ZNF736: variants seen among roughly 807,000 people sequenced by gnomAD.
ZNF736 encodes the protein KRAB-containing zinc-finger repressor protein.
Under a neutral mutation model 11.7 loss-of-function variants are expected in ZNF736, and 6 were observed. The ratio of observed to expected loss-of-function variants is 0.51; its 90% CI spans 0.28 to 1.01. The LOEUF (loss-of-function observed/expected upper bound fraction) is 1.01. ZNF736 is among the 50% of genes least tolerant of loss of function. ZNF736 has a pLI of 0.09. For missense variants in ZNF736, 444 were observed against 496.0 expected, an observed-to-expected ratio of 0.90 and a Z score of 1.00; for synonymous variants, 139 against 164.7, an observed-to-expected ratio of 0.84 and a Z score of 1.19.
chr7:64,322,463 A>G (rs969272527), intron 1 of ZNF736, among the ~76,000 whole-genome samples: 7 of 152,178 alleles, frequency 4.6e-5, no homozygotes, highest in African/African-American at 1.7e-4. Context: ...TGATAATGCT[A>G]TGTACAATAT....
chr7:64,343,897 T>G (rs1789372383), intron 3 of ZNF736, among the ~76,000 whole-genome samples: 1 of 152,214 alleles, frequency 6.6e-6, no homozygotes, highest in East Asian at 1.9e-4. Flanking sequence ...ATATAATTAT[T>G]TCTGTGTTTG....
intron 1 of ZNF736, among the ~76,000 whole-genome samples, chr7:64,315,085 A>C (rs909091539): frequency 3.3e-5 from 5 of 151,972 alleles, no homozygotes; most frequent in African/African-American, 4.8e-5. Flanking sequence ...ACAGCACCCC[A>C]CCTTGCCTCT....
intron 3 of ZNF736, among the ~76,000 whole-genome samples, chr7:64,337,733 T>A (rs1789273966): frequency 8.0e-6 from 1 of 125,650 alleles, no homozygotes; most frequent in Non-Finnish European, 1.6e-5. Flanking sequence ...TTTTTTTTGT[T>A]TTGTTTTGTT....
chr7:64,335,398 C>G (rs1789233253), intron 1 of ZNF736, among the ~76,000 whole-genome samples: 1 of 152,116 alleles, frequency 6.6e-6, no homozygotes, highest in Admixed American at 6.6e-5. Context: ...TGACTAGACT[C>G]AGATTGTTGA....
chr7:64,329,687 A>C (rs1789133443), intron 1 of ZNF736, among the ~76,000 whole-genome samples: 1 of 152,160 alleles, frequency 6.6e-6, no homozygotes, highest in Non-Finnish European at 1.5e-5. Context: ...GGCCACCATC[A>C]CTAGGACTAC....
chr7:64,346,338 T>TTA (rs1554305364), intron 3 of ZNF736, among the ~76,000 whole-genome samples: 5 of 151,606 alleles, frequency 3.3e-5, no homozygotes, highest in Admixed American at 6.6e-5. Flanking sequence ...CTTTTTTTTT[T>TTA]ATTAGATCTA....
In ZNF736 at chr7:64,348,928, C is replaced by G. The variant is rs1406265915; in HGVS notation, c.1065C>G (p.Thr355=). 17 of 1,602,092 alleles carry G rather than the reference C, an allele frequency of 1.1e-5. No individual in the cohort carries two copies. The highest frequency in any genetic ancestry group is 4.5e-5 in the East Asian group (2 of 44,182). The stretch of plus-strand genomic sequence containing the variant: ...GCAAAGCCTTTACCCGCTCCTCAAC[C>G]CTTTTTAACCACAAGAGAATTCATA... ...ECGKAFTRSS[T]LFNHKRIHME... The change falls in exon 4 of 4, where the codon ACC becomes ACG. Residue 355 remains threonine (T), a synonymous_variant. Coordinates refer to ENST00000423484, the MANE Select transcript of ZNF736 (RefSeq NM_001170905.3).
At chr7:64,335,009 A>G (rs1318980756) in intron 1 of ZNF736, among the ~76,000 whole-genome samples, 3 of 152,106 alleles carry the variant, frequency 2.0e-5, no homozygotes, top group Non-Finnish European at 4.4e-5. Flanking sequence ...AGCTGGAACC[A>G]TCATTCTCAG....
intron 1 of ZNF736, among the ~76,000 whole-genome samples, chr7:64,316,835 TC>T (rs769777747): frequency 1.2e-4 from 19 of 152,230 alleles, no homozygotes; most frequent in Non-Finnish European, 2.5e-4. Flanking sequence ...CTTTTATATT[TC>T]CCACAGTGAG....
chr7:64,330,699 A>C (rs530556822), intron 1 of ZNF736, among the ~76,000 whole-genome samples: 1 of 152,284 alleles, frequency 6.6e-6, no homozygotes, highest in Admixed American at 6.5e-5. Context: ...GGCTGCAGCA[A>C]GTTACTGCTT....
At chr7:64,332,591 C>A (rs190689135) in intron 1 of ZNF736, among the ~76,000 whole-genome samples, 27 of 152,122 alleles carry the variant, frequency 1.8e-4, no homozygotes, top group African/African-American at 6.5e-4. Flanking sequence ...AGCAGAGAAC[C>A]CATCTGACCA....
At position 64,348,204 on chromosome 7, in the gene ZNF736, A is replaced by G; in HGVS notation, c.341A>G (p.Lys114Arg). ...GSCDLNNLHL[K>R]KDYQSVGNCK... ...TGTGACCTTAATAATTTACATTTAA[A>G]GAAAGACTACCAAAGTGTGGGTAAT... The change falls in exon 4 of 4, where the codon AAG becomes AGG. Residue 114 changes from lysine (K) to arginine (R), a missense_variant. Lys to Arg is a conservative substitution (Grantham distance 26, BLOSUM62 2). Coordinates refer to ENST00000423484, the MANE Select transcript of ZNF736 (RefSeq NM_001170905.3). The G allele has an allele frequency of 6.4e-7, 1 of 1,551,708 alleles. No individual in the cohort carries two copies. Among genetic ancestry groups the G allele is most frequent in the East Asian group, 2.4e-5 (1 of 40,904 alleles).
chr7:64,319,256 A>ATG (rs1389568312), intron 1 of ZNF736, among the ~76,000 whole-genome samples: 9 of 143,518 alleles, frequency 6.3e-5, no homozygotes, highest in Non-Finnish European at 9.1e-5. Context: ...ATGTATATGT[A>ATG]TGTGTGTGTG....
rs141338349 is a variant in ZNF736, at chr7:64,341,457, C to T, written c.226+4475C>T. Among the ~76,000 whole-genome samples the T allele has an allele frequency of 2.6e-5, 4 of 152,184 alleles. No individual in the cohort carries two copies. In the East Asian group the frequency reaches 7.7e-4, roughly 29 times the overall value. ...TTTTAGTGCTTCACAAACATGTTCT[C>T]AGTTATGTCTTTGAACTTTTGTGTG... On this transcript the variant is annotated intron_variant, in intron 3 of 3. Transcript: ENST00000423484.
At position 64,351,503 on chromosome 7, in the gene ZNF736, C is replaced by T. The variant is rs1350486602; in HGVS notation, c.*2356C>T. The stretch of plus-strand genomic sequence containing the variant: ...GTATGAGCTTCCAGGGTACCTGAGA[C>T]TGCCCTGTAAGCAGCTGTGGCCAGA... On this transcript the variant is annotated 3_prime_UTR_variant, in exon 4 of 4. Transcript: ENST00000423484. 1 of 152,344 alleles carries T rather than the reference C, an allele frequency of 6.6e-6. No individual in the cohort carries two copies. The highest frequency in any genetic ancestry group is 2.4e-5 in the African/African-American group (1 of 41,472). 9.4% of individuals were successfully genotyped at this position (152,344 alleles called of 1,614,324 possible).
intron 3 of ZNF736, among the ~76,000 whole-genome samples, chr7:64,346,136 A>G (rs1789406845): frequency 6.6e-6 from 1 of 152,076 alleles, no homozygotes; most frequent in Non-Finnish European, 1.5e-5. Context: ...GTTTGGGAAA[A>G]CTGTCTTGTA....
rs570987611 is a variant in ZNF736, at chr7:64,319,881, G to A, written c.3+5728G>A. On this transcript the variant is annotated intron_variant, in intron 1 of 3. Coordinates refer to ENST00000423484, the MANE Select transcript of ZNF736 (RefSeq NM_001170905.3). The stretch of plus-strand genomic sequence containing the variant: ...ATCAAGAAGGAATTTTGGAGATGGG[G>A]CATTTTTGTTTACTGGAGGCCTAGG... Among the ~76,000 whole-genome samples, 16 of 152,058 alleles carry A rather than the reference G, an allele frequency of 1.1e-4. No individual in the cohort carries two copies. The South Asian group carries it at 3.3e-3, about 32-fold the overall frequency.
At chr7:64,333,576 A>G in intron 1 of ZNF736, among the ~76,000 whole-genome samples, 1 of 145,520 alleles carries the variant, frequency 6.9e-6, no homozygotes, top group South Asian at 2.2e-4. Context: ...TGCCCAGGAT[A>G]ACTCAGAAAG....
At chr7:64,318,137 G>A (rs1161944980) in intron 1 of ZNF736, among the ~76,000 whole-genome samples, 3 of 151,752 alleles carry the variant, frequency 2.0e-5, no homozygotes, top group Non-Finnish European at 4.4e-5. Context: ...AGAAACATAG[G>A]ATTTTAAATG....
Sources: gnomAD v4.1 joint callset for allele counts (sites outside exome capture counted in the v4.1 genomes callset) on GRCh38, gnomAD v4.1.1 for gene constraint, MANE v1.5 for transcripts, NCBI Gene and HGNC (gene_info 2026-07-23, HGNC 2026-07-21) for gene names.